Variants in PPP4R4 observed in about 807,000 individuals in gnomAD.
PPP4R4 encodes serine/threonine-protein phosphatase 4 regulatory subunit 4.
A neutral mutation model predicts 121.8 loss-of-function variants in PPP4R4; 70 were observed. That is an observed-to-expected ratio of 0.57 (90% CI 0.47 to 0.70). The LOEUF is 0.70. Ranked by LOEUF, PPP4R4 falls within the 30% of genes least tolerant of loss-of-function variation. PPP4R4 has a pLI of 0.00. For missense variants in PPP4R4, 875 were observed against 1,033.6 expected (o/e 0.85, Z 2.10); for synonymous variants, 348 against 355.7 (o/e 0.98, Z 0.24).
At chr14:94,215,859 T>C (rs1165282297) in intron 3 of PPP4R4, among the ~76,000 whole-genome samples, 2 of 152,212 alleles carry the variant, frequency 1.3e-5, no homozygotes, top group African/African-American at 2.4e-5. Flanking sequence ...CAAAATAGAT[T>C]GACATTACTA....
intron 2 of PPP4R4, among the ~76,000 whole-genome samples, chr14:94,197,767 T>C (rs1889962219): frequency 2.0e-5 from 3 of 151,786 alleles, no homozygotes; most frequent in Non-Finnish European, 3.0e-5. Context: ...GCCACTATAG[T>C]TCAGTTTGTA....
chr14:94,237,507 A>G (rs1280515180), intron 7 of PPP4R4, 58 bp from the exon 8 acceptor site: 1 of 1,505,626 alleles, frequency 6.6e-7, no homozygotes, highest in Non-Finnish European at 9.1e-7. Context: ...GGTTTTTAGT[A>G]AGTTCCTGCT....
At chr14:94,278,584 C>T in intron 24 of PPP4R4, 35 bp from the exon 25 acceptor site, 1 of 1,475,500 alleles carries the variant, frequency 6.8e-7, no homozygotes, top group Non-Finnish European at 9.4e-7. Flanking sequence ...CCTTCCCCAC[C>T]CTCCCTCTCT....
rs1595502049 is a variant in PPP4R4, at chr14:94,231,110, A to G, written c.443-132A>G. ...TTGACTGAGACAAAATAATAGAGAA[A>G]CTTTTTAGAATAGTAATGAAAATAA... On this transcript the variant is annotated intron_variant, in intron 4 of 24. Transcript: ENST00000304338. 1.3e-5 allele frequency: 9 copies of G among 696,536 alleles called. No homozygotes were observed. In the East Asian group the frequency reaches 2.6e-4, roughly 20 times the overall value. The allele number at this position is 696,536 out of a possible 1,614,324, so 43.1% of individuals were successfully genotyped here. A position where few individuals can be genotyped will look rare whatever the true frequency, so the allele number is the denominator to read the frequency against.
intron 2 of PPP4R4, among the ~76,000 whole-genome samples, chr14:94,183,924 A>C (rs1364494847): frequency 6.6e-6 from 1 of 151,964 alleles, no homozygotes; most frequent in East Asian, 1.9e-4. Flanking sequence ...TATAAAATAA[A>C]TGAGTATACA....
chr14:94,222,812 G>A (rs368698613), intron 3 of PPP4R4, among the ~76,000 whole-genome samples: 1 of 151,856 alleles, frequency 6.6e-6, no homozygotes, highest in Non-Finnish European at 1.5e-5. Context: ...AAATTCTCAG[G>A]TATCTTTTTA....
intron 16 of PPP4R4, among the ~76,000 whole-genome samples, chr14:94,253,628 C>T (rs544197237): frequency 2.0e-5 from 3 of 152,228 alleles, no homozygotes; most frequent in South Asian, 2.1e-4. Flanking sequence ...TGAAAGGAAA[C>T]GAAATCATCT....
chr14:94,245,239 A>G (rs544391747), intron 12 of PPP4R4, among the ~76,000 whole-genome samples: 15 of 152,314 alleles, frequency 9.8e-5, no homozygotes, highest in African/African-American at 3.6e-4. Flanking sequence ...CAGCTCATGA[A>G]TATTTTGATA....
rs543830218 is a variant in PPP4R4, at chr14:94,177,203, C to G, written c.191+1076C>G. Among the ~76,000 whole-genome samples, 6 of 152,294 alleles carry G rather than the reference C, an allele frequency of 3.9e-5. No individual in the cohort carries two copies. The East Asian group carries it at 9.6e-4, about 24-fold the overall frequency. ...GCATATTTACCATGTAGACCATTCCCTCTGATAATTGTATCATTTAGAAAT... is the reference window on the plus strand; with the variant it reads ...GCATATTTACCATGTAGACCATTCCGTCTGATAATTGTATCATTTAGAAAT... On this transcript the variant is annotated intron_variant, in intron 2 of 24. Coordinates refer to ENST00000304338, the MANE Select transcript of PPP4R4 (RefSeq NM_058237.2).
intron 23 of PPP4R4, among the ~76,000 whole-genome samples, chr14:94,274,131 C>G (rs926955000): frequency 1.3e-5 from 2 of 152,022 alleles, no homozygotes; most frequent in Non-Finnish European, 2.9e-5. Flanking sequence ...AATCTCAAGT[C>G]TTATCACTAT....
At chr14:94,219,989 C>T (rs763362058) in intron 3 of PPP4R4, among the ~76,000 whole-genome samples, 115 of 151,976 alleles carry the variant, frequency 7.6e-4, no homozygotes, top group Non-Finnish European at 1.3e-3. Flanking sequence ...TTTCGGAGGC[C>T]GAGGCAGGTG....
intron 2 of PPP4R4, among the ~76,000 whole-genome samples, chr14:94,179,724 T>G (rs1252087955): frequency 6.6e-6 from 1 of 152,232 alleles, no homozygotes; most frequent in Non-Finnish European, 1.5e-5. Flanking sequence ...CCGTTATCAC[T>G]TAGTGGCGCT....
In PPP4R4 at chr14:94,201,560, A is replaced by G. The variant is rs535921330; in HGVS notation, c.192-6904A>G. The stretch of plus-strand genomic sequence containing the variant: ...CACTGTTGGACAAGTCCTTTTTATC[A>G]TTATGTAATGCCCCTCTTTGTCTTT... On this transcript the variant is annotated intron_variant, in intron 2 of 24. Transcript: ENST00000304338. Among the ~76,000 whole-genome samples, 21 of 152,266 alleles carry G rather than the reference A, an allele frequency of 1.4e-4. 2 individuals are homozygous for G. The South Asian group carries it at 2.1e-3, about 15-fold the overall frequency.
intron 2 of PPP4R4, among the ~76,000 whole-genome samples, chr14:94,199,355 G>C (rs867734669): frequency 6.6e-6 from 1 of 152,216 alleles, no homozygotes; most frequent in Non-Finnish European, 1.5e-5. Flanking sequence ...GCATGCAGAT[G>C]GGCAGGTTGT....
chr14:94,189,995 A>G (rs1195541280), intron 2 of PPP4R4, among the ~76,000 whole-genome samples: 4 of 151,590 alleles, frequency 2.6e-5, no homozygotes, highest in Non-Finnish European at 2.9e-5. Context: ...TCCTTCCTGT[A>G]ATACTTGTCA....
intron 2 of PPP4R4, among the ~76,000 whole-genome samples, chr14:94,191,290 T>C (rs1406703407): frequency 6.6e-6 from 1 of 152,174 alleles, no homozygotes; most frequent in East Asian, 1.9e-4. Flanking sequence ...TGTACCCTCG[T>C]TGGTATAAAG....
At chr14:94,269,144 A>G (rs147354184) in intron 23 of PPP4R4, among the ~76,000 whole-genome samples, 15 of 152,310 alleles carry the variant, frequency 9.8e-5, no homozygotes, top group African/African-American at 3.6e-4. Context: ...AATTTGTCAG[A>G]TGTTTGCATA....
intron 5 of PPP4R4, among the ~76,000 whole-genome samples, chr14:94,232,395 G>C (rs1000809387): frequency 2.6e-5 from 4 of 152,092 alleles, no homozygotes; most frequent in African/African-American, 9.7e-5. Context: ...TTGAAAATGG[G>C]AAGATTTTCT....
At chr14:94,263,224 C>G (rs1245252325) in intron 19 of PPP4R4, among the ~76,000 whole-genome samples, 1 of 151,988 alleles carries the variant, frequency 6.6e-6, no homozygotes, top group Non-Finnish European at 1.5e-5. Context: ...ATTTTTCTCT[C>G]TCTTATTTCT....
Sources: gnomAD v4.1 joint callset for allele counts (sites outside exome capture counted in the v4.1 genomes callset) on GRCh38, gnomAD v4.1.1 for gene constraint, MANE v1.5 for transcripts, NCBI Gene and HGNC (gene_info 2026-07-23, HGNC 2026-07-21) for gene names.